The following TRPM1 variants were observed in gnomAD, a reference collection of about 807,000 sequenced individuals.
TRPM1 encodes transient receptor potential cation channel subfamily M member 1.
A neutral mutation model predicts 149.4 loss-of-function variants in TRPM1; 113 were observed. The ratio of observed to expected loss-of-function variants is 0.76; its 90% CI spans 0.65 to 0.88. TRPM1 has a LOEUF of 0.88. TRPM1 is among the 40% of genes least tolerant of loss of function. The pLI, the probability that TRPM1 is intolerant of heterozygous loss-of-function variation, is 0.00. For missense variants in TRPM1, 1,976 were observed against 2,038.7 expected (o/e 0.97, Z 0.59); for synonymous variants, 741 against 759.5 (o/e 0.98, Z 0.40).
chr15:31,095,123 A>T (rs2035342646), intron 1 of TRPM1, among the ~76,000 whole-genome samples: 1 of 152,274 alleles, frequency 6.6e-6, no homozygotes, highest in African/African-American at 2.4e-5. Context: ...ATAAAAGGTG[A>T]CATATGTATG....
At chr15:31,037,035 C>A (rs944691240) in intron 20 of TRPM1, among the ~76,000 whole-genome samples, 22 of 152,258 alleles carry the variant, frequency 1.4e-4, no homozygotes, top group African/African-American at 5.1e-4. Context: ...CTCCTCCCGA[C>A]TGACGTGGTT....
At position 31,042,114 on chromosome 15, in the gene TRPM1, C is replaced by T; in HGVS notation, c.1924G>A (p.Val642Met). Reference sequence around the variant, plus strand: ...GCCATTTTCTGGCGTTTCATCAGCACTGCCCACACCATCAGCTCGTGGAAG... The same window carrying T: ...GCCATTTTCTGGCGTTTCATCAGCATTGCCCACACCATCAGCTCGTGGAAG... ...YPFHELMVWA[V>M]LMKRQKMAVF... is the part of the protein sequence containing the mutation. The change falls in exon 17 of 28, where the codon GTG (valine) becomes ATG (methionine). Residue 642 changes from valine to methionine, a missense_variant. Coordinates refer to ENST00000256552, the MANE Select transcript of TRPM1 (RefSeq NM_001252024.2). 2 of 1,614,230 alleles carry T rather than the reference C, an allele frequency of 1.2e-6. No individual in the cohort carries two copies. Among genetic ancestry groups the T allele is most frequent in the South Asian group, 1.1e-5 (1 of 91,078 alleles).
chr15:31,144,628 G>A (rs1201082356), intron 1 of TRPM1, among the ~76,000 whole-genome samples: 1 of 151,794 alleles, frequency 6.6e-6, no homozygotes, highest in African/African-American at 2.4e-5. Flanking sequence ...ATAAATGGGG[G>A]TGACTATAAG....
At chr15:31,143,440 C>T (rs1186427416) in intron 1 of TRPM1, among the ~76,000 whole-genome samples, 1 of 152,158 alleles carries the variant, frequency 6.6e-6, no homozygotes, top group Admixed American at 6.6e-5. Context: ...AAGTCTCCCT[C>T]TGCTGCCCAC....
At chr15:31,102,518 C>T (rs1400633218), upstream of TRPM1, among the ~76,000 whole-genome samples, 1 of 152,182 alleles carries the variant, frequency 6.6e-6, no homozygotes, top group Non-Finnish European at 1.5e-5. Context: ...TAGGGGTGTT[C>T]CCATTTTACA....
chr15:31,138,698 C>T (rs1567075776), intron 1 of TRPM1, among the ~76,000 whole-genome samples: 1 of 151,446 alleles, frequency 6.6e-6, no homozygotes, highest in South Asian at 2.1e-4. Context: ...TCTCTATTTA[C>T]AACTAAATAA....
intron 1 of TRPM1, among the ~76,000 whole-genome samples, chr15:31,124,993 G>A (rs1447540376): frequency 6.6e-6 from 1 of 152,072 alleles, no homozygotes; most frequent in Non-Finnish European, 1.5e-5. Context: ...GGCCAACATG[G>A]TGAAACCCCG....
At chr15:31,090,493 C>A (rs980568748) in intron 1 of TRPM1, among the ~76,000 whole-genome samples, 1 of 151,878 alleles carries the variant, frequency 6.6e-6, no homozygotes, top group East Asian at 1.9e-4. Context: ...AAAAATTAGC[C>A]AGGTGTGGTG....
In TRPM1 at chr15:31,019,726, G is replaced by A. The variant is rs186509337; in HGVS notation, c.3629+6413C>T. Among the ~76,000 whole-genome samples the A allele has an allele frequency of 7.3e-5, 11 of 150,248 alleles. No individual in the cohort carries two copies. The East Asian group carries it at 2.0e-3, about 27-fold the overall frequency. On this transcript the variant is annotated intron_variant, in intron 27 of 27. Transcript: ENST00000256552. ...TAATTTTTGTATTTTTAGTAGAAAC[G>A]GGGTTTCACCATGTTGACCAGGTTG... is the stretch of plus-strand genomic sequence containing the variant.
chr15:31,088,663 A>G (rs1213758677), intron 1 of TRPM1, among the ~76,000 whole-genome samples: 1 of 152,218 alleles, frequency 6.6e-6, no homozygotes. Context: ...CTCACGGACT[A>G]GGATGGGCAT....
chr15:31,125,917 G>C (rs2035945243), intron 1 of TRPM1, among the ~76,000 whole-genome samples: 1 of 151,828 alleles, frequency 6.6e-6, no homozygotes, highest in Non-Finnish European at 1.5e-5. Flanking sequence ...GATCACTTGA[G>C]GTGAGGAGTT....
In TRPM1 at chr15:31,089,335, C is replaced by T. The variant is rs1280073943; in HGVS notation, c.-83-7897G>A. Among the ~76,000 whole-genome samples the T allele has an allele frequency of 2.6e-5, 4 of 152,080 alleles. No individual in the cohort carries two copies. In the South Asian group the frequency reaches 8.3e-4, roughly 32 times the overall value. ...ATGTTTTTTTGGTTGTTAACTTTTC[C>T]CACTTGGTTCAAAATCCGGGAGGCT... On this transcript the variant is annotated intron_variant, in intron 1 of 27. Coordinates refer to ENST00000256552, the MANE Select transcript of TRPM1 (RefSeq NM_001252024.2).
intron 27 of TRPM1, among the ~76,000 whole-genome samples, chr15:31,017,854 G>A (rs2032420079): frequency 6.6e-6 from 1 of 152,100 alleles, no homozygotes; most frequent in Non-Finnish European, 1.5e-5. Flanking sequence ...TAACTTCCAA[G>A]AGAATACCTA....
intron 1 of TRPM1, among the ~76,000 whole-genome samples, chr15:31,088,850 C>T (rs765146744): frequency 1.4e-4 from 19 of 133,678 alleles, no homozygotes; most frequent in African/African-American, 3.6e-4. Flanking sequence ...ATGCGATAAG[C>T]CCTGCTGCGG....
Position 31,081,445 on chromosome 15 carries a change from G to A in TRPM1, c.-83-7C>T. 1 of 1,525,020 alleles carries A rather than the reference G, an allele frequency of 6.6e-7. No individual in the cohort carries two copies. The highest frequency in any genetic ancestry group is 8.8e-7 in the Non-Finnish European group (1 of 1,138,820). The allele number at this position is 1,525,020 out of a possible 1,614,324, so 94.5% of individuals were successfully genotyped here. On this transcript the variant is annotated splice_region_variant and splice_polypyrimidine_tract_variant and intron_variant, in intron 1 of 27. Transcript: ENST00000256552. ...CTCAGAAATCTTCTAGAACCTACGAGGATAAACAAGAGGAGTAAGAGTCAC... is the reference window on the plus strand; with the variant it reads ...CTCAGAAATCTTCTAGAACCTACGAAGATAAACAAGAGGAGTAAGAGTCAC...
At chr15:31,127,760 C>T (rs1317455124) in intron 1 of TRPM1, among the ~76,000 whole-genome samples, 2 of 152,134 alleles carry the variant, frequency 1.3e-5, no homozygotes. Flanking sequence ...CTAGATCTCA[C>T]AGGAACCAGC....
chr15:31,017,135 G>A (rs1212548110), intron 27 of TRPM1, among the ~76,000 whole-genome samples: 5 of 152,002 alleles, frequency 3.3e-5, no homozygotes, highest in African/African-American at 4.8e-5. Flanking sequence ...TGAAACCCCC[G>A]TCTCTACTAA....
At chr15:31,004,473 A>G (rs1291533774) in intron 27 of TRPM1, among the ~76,000 whole-genome samples, 1 of 150,588 alleles carries the variant, frequency 6.6e-6, no homozygotes, top group Non-Finnish European at 1.5e-5. Flanking sequence ...TGTTGACCAC[A>G]TTGACAACTG....
chr15:31,024,061 G>C (rs74460176), intron 27 of TRPM1, among the ~76,000 whole-genome samples: 341 of 152,184 alleles, frequency 2.2e-3, no homozygotes, highest in African/African-American at 7.9e-3. Flanking sequence ...CATGAGAATT[G>C]GTAGCTCAGC....
Sources: gnomAD v4.1 joint callset for allele counts (sites outside exome capture counted in the v4.1 genomes callset) on GRCh38, gnomAD v4.1.1 for gene constraint, MANE v1.5 for transcripts, NCBI Gene and HGNC (gene_info 2026-07-23, HGNC 2026-07-21) for gene names.